ZNF808: variants seen among roughly 807,000 people sequenced by gnomAD.
ZNF808 encodes zinc finger protein 808.
In ZNF808, 5 loss-of-function variants were observed where a neutral mutation model predicts 8.7. The ratio of observed to expected loss-of-function variants is 0.58; its 90% CI spans 0.30 to 1.21. The LOEUF is 1.21. Among genes scored for constraint, ZNF808 ranks in the 50% most tolerant of loss-of-function variants. The pLI is 0.07. For missense variants in ZNF808, 1,103 were observed against 1,098.4 expected (o/e 1.00, Z -0.06); for synonymous variants, 380 against 366.0 (o/e 1.04, Z -0.44).
At chr19:52,542,283 ACCATGTCCCTATGGGTCTGTGCCC>A (rs2059678638) in intron 2 of ZNF808, among the ~76,000 whole-genome samples, 12 of 151,904 alleles carry the variant, frequency 7.9e-5, no homozygotes, top group Admixed American at 7.9e-4. Flanking sequence ...ATGTTTGAAA[ACCATGTCCCTATGGGTCTGTGCCC>A]CCAGGACCTC....
chr19:52,543,379 T>C (rs759695695), intron 3 of ZNF808, 32 bp downstream of exon 3: 1 of 1,604,864 alleles, frequency 6.2e-7, no homozygotes, highest in South Asian at 1.1e-5. Flanking sequence ...GATTAATCTG[T>C]CTCTTTCCTT....
In ZNF808 at chr19:52,554,382, G is replaced by C. The variant is rs573679515; in HGVS notation, c.1466G>C (p.Arg489Pro). 6.2e-6 allele frequency: 10 copies of C among 1,613,820 alleles called. No homozygotes were observed. In the African/African-American group the frequency reaches 1.2e-4, roughly 19 times the overall value. The change falls in exon 5 of 5, where the codon CGC (arginine) becomes CCC (proline). Residue 489 changes from arginine (R) to proline (P), a missense_variant. Coordinates refer to ENST00000359798, the MANE Select transcript of ZNF808 (RefSeq NM_001039886.4). ...GEKTYKCNECRKTFSRRSSLL... is the reference protein window; with the variant it reads ...GEKTYKCNECPKTFSRRSSLL... The stretch of plus-strand genomic sequence containing the variant: ...AAAACTTACAAGTGTAATGAGTGTC[G>C]CAAGACCTTCAGCCGCAGGTCATCC...
downstream of ZNF808, among the ~76,000 whole-genome samples, chr19:52,559,999 G>T (rs985889135): frequency 3.9e-5 from 6 of 152,170 alleles, no homozygotes; most frequent in Non-Finnish European, 1.5e-5. Context: ...TGTTATGATT[G>T]TAAGTATTTT....
In ZNF808 at chr19:52,553,754, T is replaced by C; in HGVS notation, c.838T>C (p.Cys280Arg). The C allele has an allele frequency of 6.2e-7, 1 of 1,614,172 alleles. No individual in the cohort carries two copies. Among genetic ancestry groups the C allele is most frequent in the Non-Finnish European group, 8.5e-7 (1 of 1,180,002 alleles). Residue 280 changes from cysteine (C) to arginine (R), a missense_variant, in exon 5 of 5, where the codon TGT becomes CGT. Coordinates refer to ENST00000359798, the MANE Select transcript of ZNF808 (RefSeq NM_001039886.4). ...GCAATACCTTGCATGCCATCGTAGA[T>C]GTCACACTGGAGAGAAACCTTACAA... is the stretch of plus-strand genomic sequence containing the variant. ...HKQYLACHRR[C>R]HTGEKPYKCK... is the part of the protein sequence containing the mutation.
intron 2 of ZNF808, chr19:52,536,056 G>C (rs532803377): frequency 6.1e-6 from 1 of 163,182 alleles, no homozygotes; most frequent in Admixed American, 6.2e-5. Context: ...CGTGAGTTTT[G>C]CTCTGCCTTG....
intron 3 of ZNF808, among the ~76,000 whole-genome samples, chr19:52,545,721 T>G (rs909972206): frequency 6.6e-6 from 1 of 151,528 alleles, no homozygotes; most frequent in African/African-American, 2.4e-5. Flanking sequence ...CAGGTTGCAG[T>G]GAGCTGAGAG....
chr19:52,528,347 C>T (rs373892128), intron 1 of ZNF808, among the ~76,000 whole-genome samples: 3 of 152,216 alleles, frequency 2.0e-5, no homozygotes, highest in Non-Finnish European at 2.9e-5. Context: ...AGGCGTCTTA[C>T]TCCAAACCCT....
chr19:52,557,469 T>C (rs924353090), downstream of ZNF808, among the ~76,000 whole-genome samples: 16 of 152,126 alleles, frequency 1.1e-4, no homozygotes, highest in East Asian at 1.9e-4. Context: ...GGTTTTACCA[T>C]GTGGGCCAAG....
At chr19:52,563,897 G>C in exon 4 of ZNF808, 1 of 276,698 alleles carries the variant, frequency 3.6e-6, no homozygotes, top group Non-Finnish European at 6.9e-6. Flanking sequence ...TCAAGAGGCT[G>C]AGGCAGAAGA....
downstream of ZNF808, among the ~76,000 whole-genome samples, chr19:52,565,619 T>C (rs1488245612): frequency 6.6e-6 from 1 of 152,196 alleles, no homozygotes; most frequent in Non-Finnish European, 1.5e-5. Flanking sequence ...TCCCCTGACC[T>C]ATTTTTTATG....
chr19:52,552,021 T>A lies in ZNF808; in HGVS notation c.191-1086T>A, dbSNP rs928750492. ...TCAAAACAATAAAAATGGAAACAAA[T>A]TTTTTTTTTTTTTTGAGATGGAGTC... On this transcript the variant is annotated intron_variant, in intron 4 of 4. Coordinates refer to ENST00000359798, the MANE Select transcript of ZNF808 (RefSeq NM_001039886.4). Among the ~76,000 whole-genome samples, 76 of 130,430 alleles carry A rather than the reference T, an allele frequency of 5.8e-4. 1 individual carries two copies. Among genetic ancestry groups the A allele is most frequent in the Admixed American group, 9.2e-4 (12 of 13,094 alleles). 85.6% of individuals were successfully genotyped at this position (130,430 alleles called of 152,430 possible). A position where few individuals can be genotyped will look rare whatever the true frequency, so the allele number is the denominator to read the frequency against.
intron 3 of ZNF808, among the ~76,000 whole-genome samples, chr19:52,545,086 GTC>G (rs1424144641): frequency 6.6e-6 from 1 of 152,172 alleles, no homozygotes; most frequent in African/African-American, 2.4e-5. Flanking sequence ...CTTGGCTAAA[GTC>G]TGCACTTTTA....
intron 3 of ZNF808, among the ~76,000 whole-genome samples, chr19:52,546,734 C>T (rs1385627565): frequency 6.8e-6 from 1 of 148,038 alleles, no homozygotes; most frequent in East Asian, 2.0e-4. Context: ...ACCTCCGCCT[C>T]CTGGATTCAA....
chr19:52,548,381 G>T (rs1434119792), intron 4 of ZNF808, among the ~76,000 whole-genome samples: 1 of 152,174 alleles, frequency 6.6e-6, no homozygotes, highest in Non-Finnish European at 1.5e-5. Context: ...TAGTTCTACT[G>T]TCATTTCCTT....
chr19:52,528,761 G>C (rs2059534023), intron 1 of ZNF808, among the ~76,000 whole-genome samples: 1 of 152,096 alleles, frequency 6.6e-6, no homozygotes, highest in African/African-American at 2.4e-5. Context: ...AGTGGGGACA[G>C]GGGAGTATAT....
rs567747513 is a variant in ZNF808, at chr19:52,552,563, C to T, written c.191-544C>T. On this transcript the variant is annotated intron_variant, in intron 4 of 4. Coordinates refer to ENST00000359798, the MANE Select transcript of ZNF808 (RefSeq NM_001039886.4). ...AAGTAGCTGTGACTACAGGCACGGACCATCACACCTGGCTAATTTTTGTAA... is the reference window on the plus strand; with the variant it reads ...AAGTAGCTGTGACTACAGGCACGGATCATCACACCTGGCTAATTTTTGTAA... 4.4e-4 allele frequency among the ~76,000 whole-genome samples: 67 copies of T among 151,974 alleles called. 1 individual carries two copies. In the South Asian group the frequency reaches 6.2e-3, roughly 14 times the overall value.
intron 4 of ZNF808, among the ~76,000 whole-genome samples, chr19:52,550,940 G>T (rs182329351): frequency 6.6e-6 from 1 of 152,030 alleles, no homozygotes; most frequent in Non-Finnish European, 1.5e-5. Context: ...GCTTAGACTG[G>T]CCAGCTTCAG....
chr19:52,561,158 T>TTCTCTC (rs1191860993), downstream of ZNF808, among the ~76,000 whole-genome samples: 35 of 52,598 alleles, frequency 6.7e-4, no homozygotes, highest in African/African-American at 1.1e-3. Flanking sequence ...CTTCTATCTG[T>TTCTCTC]TCTCTCTCTC....
chr19:52,535,710 A>G (rs999896363), intron 2 of ZNF808, among the ~76,000 whole-genome samples: 22 of 152,202 alleles, frequency 1.4e-4, no homozygotes, highest in African/African-American at 3.9e-4. Flanking sequence ...GAAATCGTAT[A>G]TTCCGCCCCG....
Sources: allele counts gnomAD v4.1 joint callset (sites outside exome capture counted in the v4.1 genomes callset), GRCh38; gene constraint gnomAD v4.1.1; transcripts MANE v1.5; gene names NCBI Gene and HGNC (gene_info 2026-07-23, HGNC 2026-07-21).